The following NALF1 variants were observed in gnomAD, a reference collection of about 807,000 sequenced individuals.
NALF1 encodes the protein family with sequence similarity 155 member A.
In NALF1, 3 loss-of-function variants were observed where a neutral mutation model predicts 48.4. That is an observed-to-expected ratio of 0.06 (90% CI 0.03 to 0.16). NALF1 has a LOEUF of 0.16. Among genes scored for constraint, NALF1 ranks in the 10% least tolerant of loss-of-function variants. NALF1 has a pLI of 1.00. For missense variants in NALF1, 526 were observed against 571.5 expected, an observed-to-expected ratio of 0.92 and a Z score of 0.81; for synonymous variants, 262 against 245.7, an observed-to-expected ratio of 1.07 and a Z score of -0.62.
intron 1 of NALF1, among the ~76,000 whole-genome samples, chr13:107,676,700 T>C (rs535403564): frequency 7.0e-4 from 106 of 152,136 alleles, no homozygotes; most frequent in African/African-American, 2.5e-3. Context: ...GGGGAAGATA[T>C]TTATCTTTGA....
At chr13:107,357,578 A>G (rs1882985659) in intron 1 of NALF1, among the ~76,000 whole-genome samples, 1 of 152,156 alleles carries the variant, frequency 6.6e-6, no homozygotes, top group South Asian at 2.1e-4. Context: ...GAGAGAAATT[A>G]CTTCTAGTTG....
chr13:107,322,935 G>A (rs1315953172), intron 1 of NALF1, among the ~76,000 whole-genome samples: 3 of 152,092 alleles, frequency 2.0e-5, no homozygotes, highest in African/African-American at 7.2e-5. Context: ...GCACACCTTT[G>A]AATGCCACAG....
chr13:107,798,302 T>C (rs905066350), intron 1 of NALF1, among the ~76,000 whole-genome samples: 2 of 152,236 alleles, frequency 1.3e-5, no homozygotes, highest in African/African-American at 4.8e-5. Flanking sequence ...TAAATATATG[T>C]TGCCAGTTTA....
At chr13:107,267,802 C>A (rs1881071712) in intron 1 of NALF1, among the ~76,000 whole-genome samples, 3 of 152,244 alleles carry the variant, frequency 2.0e-5, no homozygotes, top group African/African-American at 7.2e-5. Context: ...GACAGCAACA[C>A]CACACCAGTC....
intron 1 of NALF1, among the ~76,000 whole-genome samples, chr13:107,684,867 A>T (rs1357485451): frequency 6.6e-6 from 1 of 152,170 alleles, no homozygotes; most frequent in African/African-American, 2.4e-5. Flanking sequence ...ATTAATCCTG[A>T]ATGTTCCTTA....
intron 1 of NALF1, among the ~76,000 whole-genome samples, chr13:107,671,359 AG>A (rs1880986283): frequency 6.6e-6 from 1 of 152,146 alleles, no homozygotes; most frequent in Non-Finnish European, 1.5e-5. Flanking sequence ...TAAAAGCAGA[AG>A]GAAAGATGGA....
intron 1 of NALF1, among the ~76,000 whole-genome samples, chr13:107,648,635 G>A (rs1227679672): frequency 1.3e-5 from 2 of 152,096 alleles, no homozygotes; most frequent in African/African-American, 4.8e-5. Context: ...AAATAAGCCT[G>A]CTATAACACC....
At chr13:107,482,743 C>T (rs1262864283) in intron 1 of NALF1, among the ~76,000 whole-genome samples, 1 of 152,090 alleles carries the variant, frequency 6.6e-6, no homozygotes, top group Non-Finnish European at 1.5e-5. Flanking sequence ...AGAGGTCATA[C>T]ACAGAAGGGA....
chr13:107,646,284 A>G (rs1343805922), intron 1 of NALF1, among the ~76,000 whole-genome samples: 2 of 151,408 alleles, frequency 1.3e-5, no homozygotes, highest in African/African-American at 4.9e-5. Flanking sequence ...AAAACTGCCA[A>G]CTTCTTAAAA....
intron 1 of NALF1, among the ~76,000 whole-genome samples, chr13:107,439,412 A>G (rs1297280791): frequency 1.3e-5 from 2 of 152,170 alleles, no homozygotes; most frequent in East Asian, 3.8e-4. Flanking sequence ...ACCAATACTC[A>G]GTTCTTGCCA....
intron 1 of NALF1, among the ~76,000 whole-genome samples, chr13:107,217,710 C>A (rs538381149): frequency 2.6e-5 from 4 of 152,226 alleles, no homozygotes; most frequent in Non-Finnish European, 4.4e-5. Context: ...TCAATCACCA[C>A]GCCCTGTGAG....
intron 2 of NALF1, among the ~76,000 whole-genome samples, chr13:107,194,050 ATCTATCTATATATCAATCT>A (rs1879341421): frequency 8.8e-6 from 1 of 113,870 alleles, no homozygotes; most frequent in Non-Finnish European, 1.9e-5. Context: ...CTATCTATCT[ATCTATCTATATATCAATCT>A]ATCGTTTTAA....
intron 1 of NALF1, among the ~76,000 whole-genome samples, chr13:107,286,158 G>A (rs1025770684): frequency 1.6e-4 from 24 of 152,184 alleles, no homozygotes; most frequent in African/African-American, 5.6e-4. Context: ...TACATTGTTG[G>A]TGGGAATATA....
Position 107,867,288 on chromosome 13 carries a change from C to A in NALF1, c.-692G>T, listed in dbSNP as rs1459783495. On this transcript the variant is annotated 5_prime_UTR_variant, in exon 1 of 3. Coordinates refer to ENST00000375915, the MANE Select transcript of NALF1 (RefSeq NM_001080396.3). This position sits in a 1 kb window ranked among gnomAD's most constrained non-coding sequence, Gnocchi z 4.4. Reference sequence around the variant, plus strand: ...GCGCTCCCTCCCCCCCACCCCCCACCCCGCGCTCTAAGTGCTGCCGCCGCC... The same window carrying A: ...GCGCTCCCTCCCCCCCACCCCCCACACCGCGCTCTAAGTGCTGCCGCCGCC... Among the ~76,000 whole-genome samples the A allele has an allele frequency of 1.1e-5, 1 of 91,146 alleles. No individual in the cohort carries two copies. Among genetic ancestry groups the A allele is most frequent in the Non-Finnish European group, 2.5e-5 (1 of 40,288 alleles). The allele number at this position is 91,146 out of a possible 152,430, so 59.8% of individuals were successfully genotyped here.
chr13:107,638,987 G>A (rs1880069972), intron 1 of NALF1, among the ~76,000 whole-genome samples: 1 of 151,980 alleles, frequency 6.6e-6, no homozygotes. Flanking sequence ...ACATGTAAAT[G>A]CTTTTCATCA....
chr13:107,693,127 AATT>A (rs1881604932), intron 1 of NALF1, among the ~76,000 whole-genome samples: 1 of 152,150 alleles, frequency 6.6e-6, no homozygotes. Context: ...AGTGTAAAAG[AATT>A]TCCGTTTCTC....
At chr13:107,342,498 A>G (rs1882699818) in intron 1 of NALF1, among the ~76,000 whole-genome samples, 1 of 152,058 alleles carries the variant, frequency 6.6e-6, no homozygotes, top group Non-Finnish European at 1.5e-5. Context: ...CTTTATGAGA[A>G]CTCCAGAAAG....
intron 1 of NALF1, among the ~76,000 whole-genome samples, chr13:107,287,699 TTTC>T (rs1198741169): frequency 2.0e-5 from 2 of 102,520 alleles, no homozygotes; most frequent in Non-Finnish European, 4.4e-5. Flanking sequence ...TTTCTTTTCT[TTTC>T]TTTCTTTTTT....
chr13:107,817,423 A>G (rs1405823646), intron 1 of NALF1, among the ~76,000 whole-genome samples: 1 of 152,210 alleles, frequency 6.6e-6, no homozygotes, highest in Non-Finnish European at 1.5e-5. Flanking sequence ...AAGTGAGGAC[A>G]CACAGCCAGA....
Sources: gnomAD v4.1 joint callset for allele counts (sites outside exome capture counted in the v4.1 genomes callset) on GRCh38, gnomAD v4.1.1 for gene constraint, Gnocchi (gnomAD v3.1) non-coding constraint, MANE v1.5 for transcripts, NCBI Gene and HGNC (gene_info 2026-07-23, HGNC 2026-07-21) for gene names.